The following ZNF385B variants were observed in gnomAD, a reference collection of about 807,000 sequenced individuals.
ZNF385B encodes the protein zinc finger protein 385B, also known as zinc finger protein 533.
In ZNF385B, 23 loss-of-function variants were observed where a neutral mutation model predicts 39.2. The ratio of observed to expected loss-of-function variants is 0.59; its 90% CI spans 0.42 to 0.83. The LOEUF is 0.83. Ranked by LOEUF, ZNF385B falls within the 40% of genes least tolerant of loss-of-function variation. ZNF385B has a pLI of 0.00. For missense variants in ZNF385B, 552 were observed against 598.9 expected, an observed-to-expected ratio of 0.92 and a Z score of 0.82; for synonymous variants, 205 against 222.6, an observed-to-expected ratio of 0.92 and a Z score of 0.70.
At chr2:179,762,432 T>C (rs573172122) in intron 3 of ZNF385B, among the ~76,000 whole-genome samples, 25 of 152,302 alleles carry the variant, frequency 1.6e-4, no homozygotes, top group Admixed American at 2.6e-4. Context: ...CCTCAGGTGC[T>C]ATGCCCACTT....
chr2:179,472,664 AGT>A (rs2052909601), intron 6 of ZNF385B, among the ~76,000 whole-genome samples: 1 of 152,226 alleles, frequency 6.6e-6, no homozygotes, highest in South Asian at 2.1e-4. Flanking sequence ...AAAAGCTGGA[AGT>A]CAAATATACG....
intron 1 of ZNF385B, among the ~76,000 whole-genome samples, chr2:179,786,872 A>G (rs1415878548): frequency 6.6e-6 from 1 of 152,054 alleles, no homozygotes; most frequent in Non-Finnish European, 1.5e-5. Context: ...AGCTATACCA[A>G]TTTACACTTC....
intron 3 of ZNF385B, among the ~76,000 whole-genome samples, chr2:179,769,233 C>T (rs1204398783): frequency 2.6e-5 from 4 of 152,164 alleles, no homozygotes; most frequent in Non-Finnish European, 5.9e-5. Context: ...GAAGTGTTCA[C>T]ACATTGTGGG....
chr2:179,723,964 A>G (rs900341648), intron 3 of ZNF385B, among the ~76,000 whole-genome samples: 2 of 152,170 alleles, frequency 1.3e-5, no homozygotes, highest in Non-Finnish European at 2.9e-5. Flanking sequence ...AGTATATTCT[A>G]GTATTACCAA....
At chr2:179,712,161 A>G (rs1203957326) in intron 3 of ZNF385B, among the ~76,000 whole-genome samples, 1 of 151,950 alleles carries the variant, frequency 6.6e-6, no homozygotes, top group African/African-American at 2.4e-5. Context: ...TACATTCTCT[A>G]CTTCTGGGTT....
chr2:179,814,684 C>G, intron 1 of ZNF385B: 1 of 327,478 alleles, frequency 3.1e-6, no homozygotes, highest in Non-Finnish European at 6.0e-6. Context: ...GAAGCGCCCT[C>G]AGGCTGTGTG....
intron 5 of ZNF385B, among the ~76,000 whole-genome samples, chr2:179,495,252 G>A (rs1442708622): frequency 2.0e-5 from 3 of 152,258 alleles, no homozygotes; most frequent in Admixed American, 2.0e-4. Context: ...CTAAGGTGGT[G>A]GTGGCTATGA....
chr2:179,619,519 C>G (rs1461883332), intron 3 of ZNF385B, among the ~76,000 whole-genome samples: 2 of 152,188 alleles, frequency 1.3e-5, no homozygotes, highest in Non-Finnish European at 2.9e-5. Context: ...CAAAGCACCT[C>G]CTGCAAAACC....
At chr2:179,575,745 T>A (rs1685734945) in intron 3 of ZNF385B, among the ~76,000 whole-genome samples, 1 of 152,124 alleles carries the variant, frequency 6.6e-6, no homozygotes, top group South Asian at 2.1e-4. Context: ...GCATGAAGAA[T>A]AAGTGGTAGT....
chr2:179,684,443 C>T (rs1304822153), intron 3 of ZNF385B, among the ~76,000 whole-genome samples: 1 of 152,190 alleles, frequency 6.6e-6, no homozygotes, highest in Non-Finnish European at 1.5e-5. Context: ...AAACTTGTTT[C>T]ACTTCAAAAA....
At chr2:179,789,827 A>G (rs16866992) in intron 1 of ZNF385B, among the ~76,000 whole-genome samples, 17,161 of 152,136 alleles carry the variant, frequency 0.11, 1,633 homozygotes, top group East Asian at 0.49. Flanking sequence ...AAGTTTGCCT[A>G]TTTGGGGATG....
Position 179,544,979 on chromosome 2 carries a change from A to G in ZNF385B, c.299-10T>C. The G allele has an allele frequency of 6.2e-7, 1 of 1,613,794 alleles. No individual in the cohort carries two copies. The highest frequency in any genetic ancestry group is 8.5e-7 in the Non-Finnish European group (1 of 1,179,756). On this transcript the variant is annotated splice_polypyrimidine_tract_variant and intron_variant, in intron 3 of 9. Coordinates refer to ENST00000410066, the MANE Select transcript of ZNF385B (RefSeq NM_152520.6). ...GTGTGGCATGTACTGCCTGCCAAGA[A>G]CAAAACAAAAATGAATTCAATTTCT... is the stretch of plus-strand genomic sequence containing the variant.
At chr2:179,788,544 A>T (rs1198261210) in intron 1 of ZNF385B, among the ~76,000 whole-genome samples, 1 of 152,150 alleles carries the variant, frequency 6.6e-6, no homozygotes, top group Non-Finnish European at 1.5e-5. Flanking sequence ...GCTGTCAGGA[A>T]ATGAACCTGC....
intron 4 of ZNF385B, among the ~76,000 whole-genome samples, chr2:179,543,729 G>A (rs1037708293): frequency 1.2e-4 from 18 of 151,756 alleles, no homozygotes; most frequent in African/African-American, 4.4e-4. Flanking sequence ...ACATTTAACT[G>A]TTTACTCACT....
intron 3 of ZNF385B, among the ~76,000 whole-genome samples, chr2:179,732,635 C>T (rs948523833): frequency 2.0e-5 from 3 of 152,040 alleles, no homozygotes; most frequent in African/African-American, 7.2e-5. Context: ...GCTTATTAAA[C>T]AAAAAGAATG....
chr2:179,801,816 C>T (rs998316485), intron 1 of ZNF385B, among the ~76,000 whole-genome samples: 2 of 152,028 alleles, frequency 1.3e-5, no homozygotes, highest in Non-Finnish European at 2.9e-5. Context: ...TGGAAAGTTG[C>T]AATATACAAA....
intron 3 of ZNF385B, among the ~76,000 whole-genome samples, chr2:179,687,033 T>G (rs758530411): frequency 1.3e-5 from 2 of 151,016 alleles, no homozygotes; most frequent in Non-Finnish European, 2.9e-5. Context: ...TTCAGTGTCA[T>G]GACTCATCTT....
At chr2:179,777,769 G>GTTTT (rs71029831) in intron 1 of ZNF385B, among the ~76,000 whole-genome samples, 4 of 143,710 alleles carry the variant, frequency 2.8e-5, no homozygotes, top group East Asian at 2.1e-4. Flanking sequence ...ATATCAAGAG[G>GTTTT]TTTTTTTTTT....
At position 179,496,023 on chromosome 2, in the gene ZNF385B, G is replaced by C. The variant is rs116296976; in HGVS notation, c.553-12589C>G. Among the ~76,000 whole-genome samples, 948 of 152,228 alleles carry C rather than the reference G, an allele frequency of 6.2e-3. 12 individuals are homozygous for C. Among genetic ancestry groups the C allele is most frequent in the African/African-American group, 0.022 (916 of 41,528 alleles). Reference sequence around the variant, plus strand: ...AATAAGACATCAGGCACCAATCCTAGAAAAACAGTTTCAGACACAGAATTG... The same window carrying C: ...AATAAGACATCAGGCACCAATCCTACAAAAACAGTTTCAGACACAGAATTG... On this transcript the variant is annotated intron_variant, in intron 5 of 9. Transcript: ENST00000410066.
Sources: allele counts gnomAD v4.1 joint callset (sites outside exome capture counted in the v4.1 genomes callset), GRCh38; gene constraint gnomAD v4.1.1; transcripts MANE v1.5; gene names NCBI Gene and HGNC (gene_info 2026-07-23, HGNC 2026-07-21).